The following PDE3B variants were observed in gnomAD, a reference collection of about 807,000 sequenced individuals.
PDE3B encodes phosphodiesterase 3B, also known as cGMP-inhibited 3',5'-cyclic phosphodiesterase 3B.
PDE3B carries 66 observed loss-of-function variants against 116.8 expected under a neutral mutation model. That is an observed-to-expected ratio of 0.56 (90% CI 0.46 to 0.69). The LOEUF is 0.69. PDE3B is among the 30% of genes least tolerant of loss of function. The pLI is 0.00. For missense variants in PDE3B, 1,384 were observed against 1,368.1 expected, an observed-to-expected ratio of 1.01 and a Z score of -0.18; for synonymous variants, 595 against 533.6, an observed-to-expected ratio of 1.12 and a Z score of -1.59.
chr11:14,822,478 C>T (rs79135239), intron 7 of PDE3B, among the ~76,000 whole-genome samples: 1,985 of 152,274 alleles, frequency 0.013, 43 homozygotes, highest in African/African-American at 0.045. Context: ...GACTGCCCAC[C>T]TGGGAGTGAC....
At chr11:14,722,882 A>G (rs1856165894) in intron 1 of PDE3B, among the ~76,000 whole-genome samples, 2 of 152,198 alleles carry the variant, frequency 1.3e-5, no homozygotes, top group Admixed American at 1.3e-4. Flanking sequence ...TATTTTTTTT[A>G]GAATGGAGGT....
At chr11:14,862,221 G>T (rs1847964003) in intron 14 of PDE3B, among the ~76,000 whole-genome samples, 1 of 152,100 alleles carries the variant, frequency 6.6e-6, no homozygotes, top group Non-Finnish European at 1.5e-5. Flanking sequence ...TCACCTGATG[G>T]TCACCTGACA....
chr11:14,838,301 T>C (rs1860124649), intron 11 of PDE3B, among the ~76,000 whole-genome samples: 1 of 152,128 alleles, frequency 6.6e-6, no homozygotes, highest in African/African-American at 2.4e-5. Flanking sequence ...TTTTTTATAG[T>C]AATAGGATCA....
chr11:14,655,049 T>C lies in PDE3B; in HGVS notation c.978+9996T>C, dbSNP rs1238264640. Among the ~76,000 whole-genome samples, 5 of 152,078 alleles carry C rather than the reference T, an allele frequency of 3.3e-5. No homozygotes were observed. The East Asian group carries it at 7.7e-4, about 23-fold the overall frequency. On this transcript the variant is annotated intron_variant, in intron 1 of 15. Coordinates refer to ENST00000282096, the MANE Select transcript of PDE3B (RefSeq NM_000922.4). ...ATACTACCACGAATCACAATAAATA[T>C]AGAAGCAAAAACTTTGTTAAAAGAA...
At chr11:14,668,272 C>A (rs1854248300) in intron 1 of PDE3B, among the ~76,000 whole-genome samples, 1 of 152,084 alleles carries the variant, frequency 6.6e-6, no homozygotes, top group Non-Finnish European at 1.5e-5. Context: ...TGTGGGCCTA[C>A]ATTTTTTTGC....
chr11:14,864,102 G>A (rs1436241340), intron 14 of PDE3B, among the ~76,000 whole-genome samples: 5 of 152,114 alleles, frequency 3.3e-5, no homozygotes, highest in Non-Finnish European at 7.3e-5. Context: ...TAAAGGGATG[G>A]AGAAAGATTT....
intron 4 of PDE3B, among the ~76,000 whole-genome samples, chr11:14,800,930 C>G (rs867872723): frequency 6.6e-6 from 1 of 151,916 alleles, no homozygotes; most frequent in East Asian, 1.9e-4. Context: ...TCCTTTCTTC[C>G]ACTTGATCAA....
At chr11:14,766,760 T>C (rs1857508632) in intron 1 of PDE3B, among the ~76,000 whole-genome samples, 1 of 151,704 alleles carries the variant, frequency 6.6e-6, no homozygotes, top group Admixed American at 6.6e-5. Flanking sequence ...AGACAACTGA[T>C]TTTTTCTCTC....
intron 1 of PDE3B, among the ~76,000 whole-genome samples, chr11:14,684,246 T>C (rs1854798272): frequency 1.3e-5 from 2 of 152,262 alleles, no homozygotes; most frequent in African/African-American, 4.8e-5. Context: ...TGTCGGCCAG[T>C]TGAGAAATAA....
intron 1 of PDE3B, among the ~76,000 whole-genome samples, chr11:14,662,621 A>G (rs1221377628): frequency 6.6e-6 from 1 of 152,224 alleles, no homozygotes; most frequent in African/African-American, 2.4e-5. Context: ...AAAGGAGCTG[A>G]TGGAGCTGAA....
intron 1 of PDE3B, among the ~76,000 whole-genome samples, chr11:14,722,076 G>T (rs1024517835): frequency 6.7e-5 from 10 of 150,206 alleles, no homozygotes; most frequent in African/African-American, 2.5e-4. Context: ...ACAAAACACC[G>T]CATGTTCTCA....
chr11:14,688,497 A>G (rs773233001), intron 1 of PDE3B, among the ~76,000 whole-genome samples: 20 of 152,152 alleles, frequency 1.3e-4, no homozygotes, highest in Non-Finnish European at 2.8e-4. Flanking sequence ...AGAGGGCTAC[A>G]TGACTGAATG....
intron 1 of PDE3B, among the ~76,000 whole-genome samples, chr11:14,759,360 G>T (rs1223799452): frequency 6.6e-6 from 1 of 152,044 alleles, no homozygotes; most frequent in Non-Finnish European, 1.5e-5. Flanking sequence ...GTTCCTCCTT[G>T]TACCTCTGGT....
At chr11:14,845,204 C>T (rs1297082842) in intron 12 of PDE3B, among the ~76,000 whole-genome samples, 5 of 152,014 alleles carry the variant, frequency 3.3e-5, no homozygotes, top group Admixed American at 6.5e-5. Context: ...TCTGCAGCCA[C>T]CGCTGCTGGT....
At chr11:14,789,725 T>C (rs892933491) in intron 4 of PDE3B, among the ~76,000 whole-genome samples, 3 of 152,006 alleles carry the variant, frequency 2.0e-5, no homozygotes, top group Admixed American at 6.6e-5. Flanking sequence ...TAATATATTC[T>C]ATATTCTGTT....
intron 11 of PDE3B, among the ~76,000 whole-genome samples, chr11:14,835,697 G>T (rs1035727279): frequency 6.6e-6 from 1 of 152,118 alleles, no homozygotes; most frequent in South Asian, 2.1e-4. Flanking sequence ...GGTGACTCAT[G>T]CCTATAATCT....
At chr11:14,751,692 G>A (rs887214512) in intron 1 of PDE3B, among the ~76,000 whole-genome samples, 2 of 152,168 alleles carry the variant, frequency 1.3e-5, no homozygotes, top group South Asian at 2.1e-4. Flanking sequence ...TAAGACTATA[G>A]TATTGTAGTG....
chr11:14,647,644 G>C (rs1487635801), intron 1 of PDE3B, among the ~76,000 whole-genome samples: 2 of 151,864 alleles, frequency 1.3e-5, no homozygotes, highest in African/African-American at 4.8e-5. Flanking sequence ...CTTTAAAAAA[G>C]TATATGGGGG....
intron 4 of PDE3B, among the ~76,000 whole-genome samples, chr11:14,796,249 C>T (rs1051666245): frequency 3.9e-5 from 6 of 152,132 alleles, no homozygotes; most frequent in Non-Finnish European, 7.3e-5. Flanking sequence ...TGTGTATGTG[C>T]CACATTTTCT....
Sources: allele counts gnomAD v4.1 joint callset (sites outside exome capture counted in the v4.1 genomes callset), GRCh38; gene constraint gnomAD v4.1.1; transcripts MANE v1.5; gene names NCBI Gene and HGNC (gene_info 2026-07-23, HGNC 2026-07-21).